FMNL2: variants seen among roughly 807,000 people sequenced by gnomAD.
FMNL2 encodes the protein formin-like protein 2.
In FMNL2, 51 loss-of-function variants were observed where a neutral mutation model predicts 130.2. That is an observed-to-expected ratio of 0.39 (90% CI 0.31 to 0.49). The LOEUF (loss-of-function observed/expected upper bound fraction) is 0.49. FMNL2 is among the 20% of genes least tolerant of loss of function. The probability of loss-of-function intolerance (pLI) is 0.85; values close to 1 mark genes in which losing one functional copy is unlikely to be tolerated. For missense variants in FMNL2, 977 were observed against 1,316.2 expected (o/e 0.74, Z 3.99); for synonymous variants, 465 against 467.1 (o/e 1.00, Z 0.06).
At chr2:152,470,669 C>T (rs916969942) in intron 1 of FMNL2, among the ~76,000 whole-genome samples, 8 of 152,300 alleles carry the variant, frequency 5.3e-5, no homozygotes, top group African/African-American at 1.4e-4. Context: ...TCTCATATTG[C>T]CACTTCTAGA....
intron 9 of FMNL2, among the ~76,000 whole-genome samples, chr2:152,582,292 T>C (rs929258335): frequency 6.6e-6 from 1 of 152,156 alleles, no homozygotes; most frequent in African/African-American, 2.4e-5. Flanking sequence ...ACCTCCTTAA[T>C]TGGATTTACT....
chr2:152,469,604 TGG>T (rs1689745146), intron 1 of FMNL2, among the ~76,000 whole-genome samples: 1 of 152,182 alleles, frequency 6.6e-6, no homozygotes, highest in Non-Finnish European at 1.5e-5. Context: ...GTTGTCAAAT[TGG>T]GGTGGAAATG....
intron 9 of FMNL2, among the ~76,000 whole-genome samples, chr2:152,598,416 C>T (rs1185780142): frequency 6.6e-6 from 1 of 152,124 alleles, no homozygotes; most frequent in Non-Finnish European, 1.5e-5. Flanking sequence ...AGGCTGGGTG[C>T]GGTGGCTCAT....
rs1266190248 is a variant in FMNL2 at position 152,601,537 on chromosome 2, G to A, written c.877-5802G>A. On this transcript the variant is annotated intron_variant, in intron 9 of 25. Transcript: ENST00000288670. ...GCTAGTCTCGAACTCCTGACCTCAG[G>A]CAATCCGCCCACCTTGGCCTCCCAA... 2.0e-5 allele frequency among the ~76,000 whole-genome samples: 3 copies of A among 151,756 alleles called. No homozygotes were observed. The East Asian group carries it at 5.8e-4, about 29-fold the overall frequency.
Position 152,360,168 on chromosome 2 carries a change from G to A in FMNL2, c.117+24448G>A, listed in dbSNP as rs62179557. On this transcript the variant is annotated intron_variant, in intron 1 of 25. Transcript: ENST00000288670. ...AAGGGGGTTTTCGAAGCCACAAACC[G>A]CATCTTTGCTCTTCAGATGTATCTT... Among the ~76,000 whole-genome samples the A allele has an allele frequency of 2.9e-3, 443 of 152,284 alleles. 4 individuals are homozygous for A. Among genetic ancestry groups the A allele is most frequent in the Non-Finnish European group, 3.8e-3 (259 of 68,028 alleles).
At chr2:152,630,819 T>C (rs1447396647) in intron 20 of FMNL2, among the ~76,000 whole-genome samples, 1 of 152,130 alleles carries the variant, frequency 6.6e-6, no homozygotes, top group African/African-American at 2.4e-5. Flanking sequence ...TACATCCCCA[T>C]TTCTCCTCTG....
At chr2:152,524,322 C>T (rs1436551180) in intron 2 of FMNL2, among the ~76,000 whole-genome samples, 6 of 152,154 alleles carry the variant, frequency 3.9e-5, no homozygotes, top group African/African-American at 1.4e-4. Flanking sequence ...CCTTTCCTGA[C>T]TCATTGCATA....
chr2:152,382,434 G>A (rs1043589383), intron 1 of FMNL2, among the ~76,000 whole-genome samples: 11 of 152,116 alleles, frequency 7.2e-5, no homozygotes, highest in Admixed American at 2.6e-4. Flanking sequence ...ATCAAGTGTG[G>A]GAGGTCTTTT....
At chr2:152,567,320 G>GCACTA in intron 6 of FMNL2, among the ~76,000 whole-genome samples, 1 of 152,158 alleles carries the variant, frequency 6.6e-6, no homozygotes, top group East Asian at 1.9e-4. Context: ...AGTATGCACT[G>GCACTA]AAACCTTTGA....
At chr2:152,345,241 A>G (rs1455518272) in intron 1 of FMNL2, among the ~76,000 whole-genome samples, 2 of 152,234 alleles carry the variant, frequency 1.3e-5, no homozygotes, top group East Asian at 1.9e-4. Context: ...ATAGTAAAGG[A>G]TAATAATAGT....
chr2:152,406,824 A>G (rs1277562657), intron 1 of FMNL2, among the ~76,000 whole-genome samples: 1 of 152,126 alleles, frequency 6.6e-6, no homozygotes, highest in East Asian at 1.9e-4. Flanking sequence ...TATTGTTTTC[A>G]TTTTCTCACA....
chr2:152,407,198 G>GTT (rs57572263), intron 1 of FMNL2, among the ~76,000 whole-genome samples: 100,556 of 148,848 alleles, frequency 0.68, 34,720 homozygotes, highest in South Asian at 0.81. Flanking sequence ...TTCTGTTTTT[G>GTT]TTTTTTTTTT....
chr2:152,621,212 G>C, intron 15 of FMNL2: 1 of 874,620 alleles, frequency 1.1e-6, no homozygotes, highest in Non-Finnish European at 1.4e-6. Flanking sequence ...TATCTCATTT[G>C]GGGCTGCTTC....
At chr2:152,490,569 A>ATGTGTGTGTGTGTGTG (rs58838989) in intron 1 of FMNL2, among the ~76,000 whole-genome samples, 1,159 of 108,552 alleles carry the variant, frequency 0.011, 36 homozygotes, top group Non-Finnish European at 0.013. Context: ...TTGCTATCCA[A>ATGTGTGTGTGTGTGTG]TGTGTGTGTG....
At chr2:152,367,205 A>G (rs1037802972) in intron 1 of FMNL2, among the ~76,000 whole-genome samples, 3 of 151,744 alleles carry the variant, frequency 2.0e-5, no homozygotes, top group South Asian at 4.2e-4. Flanking sequence ...CCTCTCGAGT[A>G]GCTGGGATTA....
chr2:152,518,136 G>C (rs1266327181), intron 1 of FMNL2, among the ~76,000 whole-genome samples: 1 of 152,132 alleles, frequency 6.6e-6, no homozygotes, highest in Non-Finnish European at 1.5e-5. Flanking sequence ...CAGCACAAGA[G>C]GAATGAGTTC....
At chr2:152,567,007 A>G (rs1320996953) in intron 6 of FMNL2, among the ~76,000 whole-genome samples, 1 of 152,176 alleles carries the variant, frequency 6.6e-6, no homozygotes, top group African/African-American at 2.4e-5. Context: ...CAGTTTATGT[A>G]CTATTCTGAA....
At chr2:152,597,660 A>G (rs1021192644) in intron 9 of FMNL2, among the ~76,000 whole-genome samples, 8 of 152,216 alleles carry the variant, frequency 5.3e-5, no homozygotes, top group Admixed American at 3.3e-4. Context: ...ACCAGTGCCA[A>G]CTGCCAACTC....
At chr2:152,589,631 A>G (rs942610061) in intron 9 of FMNL2, among the ~76,000 whole-genome samples, 24 of 152,118 alleles carry the variant, frequency 1.6e-4, no homozygotes, top group Non-Finnish European at 3.4e-4. Flanking sequence ...GGACACTATG[A>G]AGCACTCTGC....
Sources: gnomAD v4.1 joint callset for allele counts (sites outside exome capture counted in the v4.1 genomes callset) on GRCh38, gnomAD v4.1.1 for gene constraint, MANE v1.5 for transcripts, NCBI Gene and HGNC (gene_info 2026-07-23, HGNC 2026-07-21) for gene names.